The following NCBP2 variants were observed in gnomAD, a reference collection of about 807,000 sequenced individuals.
The protein encoded by NCBP2 is nuclear cap-binding protein subunit 2.
NCBP2 carries 8 observed loss-of-function variants against 21.5 expected under a neutral mutation model. The ratio of observed to expected loss-of-function variants is 0.37; its 90% CI spans 0.22 to 0.67. NCBP2 has a LOEUF of 0.67. Ranked by LOEUF, NCBP2 falls within the 30% of genes least tolerant of loss-of-function variation. The pLI is 0.56. For missense variants in NCBP2, 127 were observed against 206.9 expected (o/e 0.61, Z 2.37); for synonymous variants, 92 against 75.8 (o/e 1.21, Z -1.11).
chr3:196,939,340 A>C lies in NCBP2; in HGVS notation c.171T>G (p.Tyr57Ter). The change falls in exon 2 of 4, where the codon TAT (tyrosine) becomes TAG (stop). Residue 57 changes from tyrosine (Y) to a stop codon, truncating the protein, a stop_gained. Transcript: ENST00000321256. LOFTEE classifies it high-confidence loss of function. Reference protein sequence around the residue: ...LSFYTTEEQIYELFSKSGDIK... With the variant: ...LSFYTTEEQI ...TGTCACCACTTTTGCTGAAGAGTTC[A>C]TAGATTTGTTCTTCAGTTGTGTAAA... The C allele has an allele frequency of 6.2e-7, 1 of 1,613,182 alleles. No individual in the cohort carries two copies. The highest frequency in any genetic ancestry group is 8.5e-7 in the Non-Finnish European group (1 of 1,179,112).
Position 196,942,512 on chromosome 3 carries a change from G to C in NCBP2, c.-9C>G, listed in dbSNP as rs1413826345. ...AGGAGGCCACCCGACATAGTGCAGA[G>C]AAGCGGACCACAATGCGGCGACTCC... On this transcript the variant is annotated 5_prime_UTR_variant, in exon 1 of 4. Coordinates refer to ENST00000321256, the MANE Select transcript of NCBP2 (RefSeq NM_007362.5). The C allele has an allele frequency of 1.2e-6, 2 of 1,610,874 alleles. No homozygotes were observed. Among genetic ancestry groups the C allele is most frequent in the Non-Finnish European group, 1.7e-6 (2 of 1,178,594 alleles).
intron 1 of NCBP2, among the ~76,000 whole-genome samples, chr3:196,940,333 C>T (rs1244891182): frequency 2.0e-5 from 3 of 151,774 alleles, no homozygotes; most frequent in African/African-American, 7.3e-5. Flanking sequence ...GATTGCACCA[C>T]TGCACTTGAG....
chr3:196,942,011 AAAAC>A, intron 1 of NCBP2: 4 of 1,536,126 alleles, frequency 2.6e-6, no homozygotes, highest in South Asian at 2.4e-5. Context: ...GCCGATTTAA[AAAAC>A]AAAGCAAAAA....
intron 1 of NCBP2, among the ~76,000 whole-genome samples, chr3:196,940,572 A>G (rs1426904323): frequency 1.3e-5 from 2 of 152,218 alleles, no homozygotes; most frequent in South Asian, 2.1e-4. Context: ...ACAGTTTAAG[A>G]TAACTGTGGT....
chr3:196,939,454 A>T, intron 1 of NCBP2, 22 bp from the exon 2 acceptor site: 1 of 1,531,952 alleles, frequency 6.5e-7, no homozygotes, highest in Non-Finnish European at 8.9e-7. Context: ...AATAGAGACA[A>T]AAGTTAAGCA....
At position 196,942,325 on chromosome 3, in the gene NCBP2, G is replaced by T. The variant is rs775881245; in HGVS notation, c.78+101C>A. 10 of 1,538,626 alleles carry T rather than the reference G, an allele frequency of 6.5e-6. No homozygotes were observed. The South Asian group carries it at 9.6e-5, about 15-fold the overall frequency. On this transcript the variant is annotated intron_variant, in intron 1 of 3. Transcript: ENST00000321256. ...CACCGGGGCCCCACTTGGCGTTTGC[G>T]GATTTCAGCTGAATGGGAGGCGACA...
chr3:196,937,617 T>C lies in NCBP2; in HGVS notation c.292A>G (p.Met98Val). 1 of 1,614,212 alleles carries C rather than the reference T, an allele frequency of 6.2e-7. No individual in the cohort carries two copies. The highest frequency in any genetic ancestry group is 8.5e-7 in the Non-Finnish European group (1 of 1,180,046). The stretch of plus-strand genomic sequence containing the variant: ...AGACGCGTCCCATTTATGTACCGCA[T>C]GGCGTTTTCCGCATCTGCGCGTGAG... ...YYSRADAENAMRYINGTRLDD... is the reference protein window; with the variant it reads ...YYSRADAENAVRYINGTRLDD... Residue 98 changes from methionine (M) to valine (V), a missense_variant, in exon 3 of 4, where the codon ATG becomes GTG. Transcript: ENST00000321256.
intron 2 of NCBP2, chr3:196,938,587 C>CA (rs1480001037): frequency 6.6e-6 from 1 of 152,228 alleles, no homozygotes; most frequent in Non-Finnish European, 1.5e-5. Flanking sequence ...CCTATACAGT[C>CA]AGGTTATATA....
At chr3:196,937,369 T>C in intron 3 of NCBP2, 141 bp downstream of exon 3, 1 of 1,281,590 alleles carries the variant, frequency 7.8e-7, no homozygotes, top group East Asian at 2.3e-5. Flanking sequence ...CCCAAACCGT[T>C]GGGTGGTTTT....
intron 3 of NCBP2, 41 bp from the exon 4 acceptor site, chr3:196,937,123 T>G (rs2108878180): frequency 1.3e-6 from 2 of 1,589,942 alleles, no homozygotes; most frequent in East Asian, 2.2e-5. Flanking sequence ...TGGAAAAGAA[T>G]GGTGTAACAA....
intron 2 of NCBP2, chr3:196,938,706 C>G (rs902399677): frequency 6.6e-6 from 1 of 152,460 alleles, no homozygotes; most frequent in Non-Finnish European, 1.5e-5. Context: ...CTCAGTGCAG[C>G]CTTGAAATCT....
rs869045958 is a variant in NCBP2 at position 196,939,004 on chromosome 3, GA to G, written c.260+246del. On this transcript the variant is annotated intron_variant, in intron 2 of 3. Transcript: ENST00000321256. ...TTTTATATTTTCACTACATTCTTTG[GA>G]ATTTTTTTTTTTTTACGTGAAGGGC... 2.9e-3 allele frequency: 896 copies of G among 313,908 alleles called. 1 individual carries two copies. The highest frequency in any genetic ancestry group is 3.3e-3 in the Non-Finnish European group (638 of 191,130). The allele number at this position is 313,908 out of a possible 1,614,324, so 19.4% of individuals were successfully genotyped here.
intron 1 of NCBP2, chr3:196,941,896 G>C (rs1314441940): frequency 6.5e-6 from 10 of 1,535,426 alleles, no homozygotes; most frequent in East Asian, 2.4e-5. Context: ...AAGCTTCCCC[G>C]AGGGCGGAGT....
At chr3:196,938,306 A>C (rs1439436560) in intron 2 of NCBP2, 1 of 152,222 alleles carries the variant, frequency 6.6e-6, no homozygotes, top group African/African-American at 2.4e-5. Context: ...GCCTGGGTCC[A>C]GTGAGTCAGC....
At position 196,935,866 on chromosome 3, in the gene NCBP2, C is replaced by CG. The variant is rs1716236400; in HGVS notation, c.*1144_*1145insC. 2 of 7,294 alleles carry CG rather than the reference C, an allele frequency of 2.7e-4. No individual in the cohort carries two copies. The highest frequency in any genetic ancestry group is 4.1e-3 in the Admixed American group (2 of 486). The allele number at this position is 7,294 out of a possible 1,614,324, so 0.5% of individuals were successfully genotyped here. On this transcript the variant is annotated 3_prime_UTR_variant, in exon 4 of 4. Coordinates refer to ENST00000321256, the MANE Select transcript of NCBP2 (RefSeq NM_007362.5). ...CCAAATAAATTCCCTAGACTCCCCT[C>CG]CCTGTAGAGACCATCAGCTCACTGT... is the stretch of plus-strand genomic sequence containing the variant.
At chr3:196,942,351 C>T in intron 1 of NCBP2, 75 bp downstream of exon 1, 1 of 1,561,352 alleles carries the variant, frequency 6.4e-7, no homozygotes, top group Non-Finnish European at 8.7e-7. Context: ...GGAGGCGACA[C>T]AATGAGACAA....
Position 196,942,507 on chromosome 3 carries a change from G to T in NCBP2, c.-4C>A, listed in dbSNP as rs1169578809. ...CCTTCAGGAGGCCACCCGACATAGTGCAGAGAAGCGGACCACAATGCGGCG... is the reference window on the plus strand; with the variant it reads ...CCTTCAGGAGGCCACCCGACATAGTTCAGAGAAGCGGACCACAATGCGGCG... On this transcript the variant is annotated 5_prime_UTR_variant, in exon 1 of 4. Coordinates refer to ENST00000321256, the MANE Select transcript of NCBP2 (RefSeq NM_007362.5). The T allele has an allele frequency of 6.2e-7, 1 of 1,611,786 alleles. No individual in the cohort carries two copies. The highest frequency in any genetic ancestry group is 8.5e-7 in the Non-Finnish European group (1 of 1,179,148).
Position 196,937,044 on chromosome 3 carries a change from T to C in NCBP2, c.438A>G (p.Arg146=), listed in dbSNP as rs1716297345. 6.2e-7 allele frequency: 1 copy of C among 1,614,028 alleles called. No homozygotes were observed. The highest frequency in any genetic ancestry group is 1.7e-5 in the Admixed American group (1 of 59,988). The change falls in exon 4 of 4, where the codon AGA becomes AGG. Residue 146 remains arginine, a synonymous_variant. Coordinates refer to ENST00000321256, the MANE Select transcript of NCBP2 (RefSeq NM_007362.5). ...DEYRQDYDAG[R]GGYGKLAQNQ The stretch of plus-strand genomic sequence containing the variant: ...TCTGTGCCAGTTTTCCATAGCCTCC[T>C]CTCCCAGCATCGTAGTCCTGCCGAT...
intron 1 of NCBP2, 55 bp from the exon 2 acceptor site, chr3:196,939,487 G>A (rs1716425751): frequency 8.1e-7 from 1 of 1,231,466 alleles, no homozygotes; most frequent in Non-Finnish European, 1.1e-6. Flanking sequence ...TGCTTAAATA[G>A]TATTTCTAAG....
Sources: gnomAD v4.1 joint callset for allele counts (sites outside exome capture counted in the v4.1 genomes callset) on GRCh38, gnomAD v4.1.1 for gene constraint, MANE v1.5 for transcripts, NCBI Gene and HGNC (gene_info 2026-07-23, HGNC 2026-07-21) for gene names.